C13orf42: variants seen among roughly 807,000 people sequenced by gnomAD.
The protein encoded by C13orf42 is uncharacterized protein C13orf42.
At chr13:51,114,742 G>A (rs61414945), upstream of C13orf42, among the ~76,000 whole-genome samples, 6 of 152,238 alleles carry the variant, frequency 3.9e-5, no homozygotes, top group East Asian at 7.7e-4. Context: ...GGTTGTTTCC[G>A]TATCTTGGCT....
chr13:51,087,857 G>A (rs1953144815), intron 2 of C13orf42, 71 bp downstream of exon 2: 1 of 398,112 alleles, frequency 2.5e-6, no homozygotes, highest in Admixed American at 4.4e-5. Flanking sequence ...AGAGCCCCCA[G>A]CCCATCCTCA....
chr13:51,128,225 C>T (rs1953590506), intron 1 of C13orf42, among the ~76,000 whole-genome samples: 1 of 152,226 alleles, frequency 6.6e-6, no homozygotes, highest in African/African-American at 2.4e-5. Flanking sequence ...ATGGAGTAGC[C>T]ATTCTTCCTT....
chr13:51,141,805 A>C (rs1445334310), intron 1 of C13orf42, among the ~76,000 whole-genome samples: 1 of 152,028 alleles, frequency 6.6e-6, no homozygotes, highest in East Asian at 1.9e-4. Context: ...CTCAAAAAAA[A>C]ACCACTTAAA....
chr13:51,170,289 T>C (rs1325113848), intron 1 of C13orf42, among the ~76,000 whole-genome samples: 1 of 152,162 alleles, frequency 6.6e-6, no homozygotes, highest in Non-Finnish European at 1.5e-5. Flanking sequence ...GCCTGTTTGG[T>C]GGTCTCTTCA....
At chr13:51,108,539 T>C (rs941795276) in intron 1 of C13orf42, among the ~76,000 whole-genome samples, 1 of 152,140 alleles carries the variant, frequency 6.6e-6, no homozygotes, top group African/African-American at 2.4e-5. Context: ...GTCAGAGCCA[T>C]GGGGAAAGAC....
At chr13:51,116,444 C>A (rs1001987915) in intron 1 of C13orf42, among the ~76,000 whole-genome samples, 1 of 152,228 alleles carries the variant, frequency 6.6e-6, no homozygotes, top group African/African-American at 2.4e-5. Flanking sequence ...GCCCATAAGA[C>A]ATTTTCACTC....
intron 1 of C13orf42, among the ~76,000 whole-genome samples, chr13:51,110,363 G>A (rs1273604140): frequency 1.3e-5 from 2 of 152,144 alleles, no homozygotes; most frequent in Non-Finnish European, 2.9e-5. Flanking sequence ...GGTGCCGCCT[G>A]ACACCAAAAC....
chr13:51,088,624 C>T (rs770046777), intron 1 of C13orf42, among the ~76,000 whole-genome samples: 27 of 152,170 alleles, frequency 1.8e-4, no homozygotes, highest in Non-Finnish European at 3.4e-4. Flanking sequence ...GATTATTTCA[C>T]ATTGCATGCC....
At chr13:51,110,615 G>A (rs1163344205) in intron 1 of C13orf42, among the ~76,000 whole-genome samples, 181 bp downstream of exon 1, 1 of 152,162 alleles carries the variant, frequency 6.6e-6, no homozygotes, top group African/African-American at 2.4e-5. Flanking sequence ...ATAAACATGG[G>A]CTTAGCCACC....
intron 1 of C13orf42, among the ~76,000 whole-genome samples, chr13:51,160,973 A>C (rs1953860051): frequency 6.6e-6 from 1 of 150,620 alleles, no homozygotes; most frequent in Non-Finnish European, 1.5e-5. Context: ...GAAAAAAAAA[A>C]AAAACAAAAA....
intron 1 of C13orf42, among the ~76,000 whole-genome samples, chr13:51,130,536 G>A (rs1382988929): frequency 6.6e-6 from 1 of 152,046 alleles, no homozygotes; most frequent in Admixed American, 6.6e-5. Flanking sequence ...TTATAAAGGG[G>A]ATTTATGCAA....
intron 1 of C13orf42, among the ~76,000 whole-genome samples, chr13:51,168,248 T>G (rs1332979142): frequency 6.6e-6 from 1 of 152,250 alleles, no homozygotes; most frequent in Non-Finnish European, 1.5e-5. Context: ...AGCCAAGATT[T>G]AAACCTAGTT....
In C13orf42 at chr13:51,151,332, G is replaced by C. The variant is rs369763130; in HGVS notation, n.136+20921C>G. Among the ~76,000 whole-genome samples, 41 of 151,920 alleles carry C rather than the reference G, an allele frequency of 2.7e-4. No homozygotes were observed. The East Asian group carries it at 7.4e-3, about 27-fold the overall frequency. On this transcript the variant is annotated intron_variant and non_coding_transcript_variant, in intron 1 of 4. Transcript: ENST00000433280. ...GCTGACTTTCAAGACAGAGGAAGGG[G>C]CCAGAAGCCAAGAAATGCAGGTAGC...
intron 1 of C13orf42, among the ~76,000 whole-genome samples, chr13:51,096,254 A>G (rs1038241344): frequency 2.0e-5 from 3 of 152,158 alleles, no homozygotes; most frequent in African/African-American, 7.2e-5. Flanking sequence ...TGTTAGCAGT[A>G]TTCCACTGTC....
chr13:51,132,015 T>C (rs554531481), intron 1 of C13orf42, among the ~76,000 whole-genome samples: 2 of 152,352 alleles, frequency 1.3e-5, no homozygotes, highest in South Asian at 4.1e-4. Flanking sequence ...TGGAATCATC[T>C]AGCAACCCCA....
chr13:51,164,117 C>T (rs991697763), intron 1 of C13orf42, among the ~76,000 whole-genome samples: 4 of 152,194 alleles, frequency 2.6e-5, no homozygotes, highest in African/African-American at 4.8e-5. Context: ...ACACAGGCAG[C>T]GTACGGCTAG....
intron 1 of C13orf42, among the ~76,000 whole-genome samples, chr13:51,135,274 A>G (rs1953648831): frequency 6.6e-6 from 1 of 152,116 alleles, no homozygotes; most frequent in Non-Finnish European, 1.5e-5. Context: ...CCAGGTGGAG[A>G]GAATGAGAGA....
At chr13:51,097,394 T>G (rs958411588) in intron 1 of C13orf42, among the ~76,000 whole-genome samples, 2 of 152,224 alleles carry the variant, frequency 1.3e-5, no homozygotes, top group African/African-American at 4.8e-5. Context: ...CTATTGTCCT[T>G]TTATAAATTA....
chr13:51,087,084 T>C (rs1953135435), intron 2 of C13orf42, among the ~76,000 whole-genome samples: 1 of 152,238 alleles, frequency 6.6e-6, no homozygotes, highest in African/African-American at 2.4e-5. Flanking sequence ...TGAATAAAAC[T>C]ATCATTAATT....
Sources: allele counts gnomAD v4.1 joint callset (sites outside exome capture counted in the v4.1 genomes callset), GRCh38; gene constraint gnomAD v4.1.1; transcripts MANE v1.5; gene names NCBI Gene and HGNC (gene_info 2026-07-23, HGNC 2026-07-21).